Variants in LRRTM4 observed in about 807,000 individuals in gnomAD.
The protein encoded by LRRTM4 is leucine rich repeat transmembrane neuronal 4.
LRRTM4 carries 25 observed loss-of-function variants against 47.6 expected under a neutral mutation model. The observed-to-expected ratio is 0.53, with a 90% CI of 0.38 to 0.73. The LOEUF (loss-of-function observed/expected upper bound fraction) is 0.73. Ranked by LOEUF, LRRTM4 falls within the 30% of genes least tolerant of loss-of-function variation. The pLI, the probability that LRRTM4 is intolerant of heterozygous loss-of-function variation, is 0.00. For missense variants in LRRTM4, 638 were observed against 713.4 expected (o/e 0.89, Z 1.20); for synonymous variants, 311 against 269.5 (o/e 1.15, Z -1.51).
intron 3 of LRRTM4, among the ~76,000 whole-genome samples, chr2:77,276,438 AAAAAG>A (rs1378047482): frequency 6.6e-6 from 1 of 150,782 alleles, no homozygotes; most frequent in Non-Finnish European, 1.5e-5. Context: ...GAAAGGAAGA[AAAAAG>A]AAAGGAAAGA....
At chr2:77,021,252 C>A (rs1482934518) in intron 3 of LRRTM4, among the ~76,000 whole-genome samples, 1 of 151,972 alleles carries the variant, frequency 6.6e-6, no homozygotes. Flanking sequence ...AGACCACGAA[C>A]TTGAAGACGA....
intron 3 of LRRTM4, among the ~76,000 whole-genome samples, chr2:76,810,977 A>T (rs537711195): frequency 6.6e-6 from 1 of 152,342 alleles, no homozygotes; most frequent in Non-Finnish European, 1.5e-5. Flanking sequence ...TTAAAAAAAA[A>T]GTTAATAACT....
chr2:76,964,533 AG>A (rs1375698278), intron 3 of LRRTM4, among the ~76,000 whole-genome samples: 1 of 150,950 alleles, frequency 6.6e-6, no homozygotes, highest in Non-Finnish European at 1.5e-5. Context: ...ATAATTCTAC[AG>A]GGGTCTGTAC....
At chr2:76,783,671 G>A (rs187683738) in intron 3 of LRRTM4, among the ~76,000 whole-genome samples, 61 of 152,206 alleles carry the variant, frequency 4.0e-4, no homozygotes, top group Admixed American at 3.9e-3. Context: ...AACTAATTCC[G>A]GGTAAAACTC....
intron 3 of LRRTM4, among the ~76,000 whole-genome samples, chr2:77,375,344 C>T (rs942334229): frequency 1.4e-5 from 2 of 142,440 alleles, no homozygotes; most frequent in African/African-American, 5.9e-5. Flanking sequence ...ACATATGCAC[C>T]ATACCCGTGT....
chr2:76,822,175 C>T (rs1671073333), intron 3 of LRRTM4, among the ~76,000 whole-genome samples: 1 of 151,292 alleles, frequency 6.6e-6, no homozygotes, highest in Non-Finnish European at 1.5e-5. Context: ...CAGCACGTGC[C>T]TTGTGCTCTC....
At chr2:76,836,985 T>C (rs571422790) in intron 3 of LRRTM4, among the ~76,000 whole-genome samples, 1 of 152,248 alleles carries the variant, frequency 6.6e-6, no homozygotes, top group Admixed American at 6.6e-5. Flanking sequence ...ATGTTGTAAG[T>C]TACTCAAATA....
At chr2:77,214,763 G>C (rs185604698) in intron 3 of LRRTM4, among the ~76,000 whole-genome samples, 1 of 150,194 alleles carries the variant, frequency 6.7e-6, no homozygotes, top group Non-Finnish European at 1.5e-5. Flanking sequence ...CTGTTAACTC[G>C]TCTCTGAAAA....
At position 77,010,373 on chromosome 2, in the gene LRRTM4, A is replaced by T. The variant is rs189809894; in HGVS notation, c.1552-261457T>A. 3.5e-3 allele frequency among the ~76,000 whole-genome samples: 529 copies of T among 152,010 alleles called. 4 individuals are homozygous for T. The highest frequency in any genetic ancestry group is 0.012 in the African/African-American group (497 of 41,478). On this transcript the variant is annotated intron_variant, in intron 3 of 3. Coordinates refer to ENST00000409884, the MANE Select transcript of LRRTM4 (RefSeq NM_001134745.3). ...TTTTTTTACATTCCATATGTAAATG[A>T]GATTATGCAATATTTGTTTTTCTGT...
chr2:77,324,098 A>T (rs1398479011), intron 3 of LRRTM4, among the ~76,000 whole-genome samples: 1 of 152,114 alleles, frequency 6.6e-6, no homozygotes. Flanking sequence ...ACCTAAATAA[A>T]CATAGTAACA....
At chr2:76,749,464 A>G (rs1672773380) in intron 3 of LRRTM4, among the ~76,000 whole-genome samples, 1 of 152,120 alleles carries the variant, frequency 6.6e-6, no homozygotes, top group African/African-American at 2.4e-5. Context: ...ATCATGTGTA[A>G]CTTTTATTTA....
chr2:77,441,985 A>G (rs762692850), intron 3 of LRRTM4, among the ~76,000 whole-genome samples: 1 of 152,180 alleles, frequency 6.6e-6, no homozygotes, highest in Non-Finnish European at 1.5e-5. Context: ...TTGGAAAAAC[A>G]AAACAAGGCA....
intron 3 of LRRTM4, among the ~76,000 whole-genome samples, chr2:77,285,340 T>TTATATATATA (rs10527679): frequency 0.057 from 4,690 of 82,532 alleles, 406 homozygotes; most frequent in Admixed American, 0.15. Flanking sequence ...AGCATTAAAT[T>TTATATATATA]TATATATATA....
At chr2:77,148,347 G>T (rs1385651489) in intron 3 of LRRTM4, among the ~76,000 whole-genome samples, 1 of 152,148 alleles carries the variant, frequency 6.6e-6, no homozygotes, top group African/African-American at 2.4e-5. Context: ...ACTGGTATGA[G>T]AACTCAATTG....
intron 3 of LRRTM4, among the ~76,000 whole-genome samples, chr2:76,836,509 T>C (rs938147270): frequency 2.0e-5 from 3 of 151,958 alleles, no homozygotes; most frequent in African/African-American, 4.8e-5. Context: ...TCTCTTGTCC[T>C]TCCCCCACCC....
chr2:77,096,477 A>T (rs1670815120), intron 3 of LRRTM4, among the ~76,000 whole-genome samples: 1 of 151,580 alleles, frequency 6.6e-6, no homozygotes, highest in Non-Finnish European at 1.5e-5. Context: ...TAATAAATTA[A>T]AATATGAATA....
intron 3 of LRRTM4, among the ~76,000 whole-genome samples, chr2:76,803,115 A>G (rs1194008459): frequency 1.3e-5 from 2 of 152,176 alleles, no homozygotes; most frequent in African/African-American, 2.4e-5. Flanking sequence ...AAATGGTATT[A>G]TATCAATCTA....
intron 3 of LRRTM4, among the ~76,000 whole-genome samples, chr2:77,477,919 GA>G (rs1220590349): frequency 1.4e-5 from 1 of 70,576 alleles, no homozygotes; most frequent in Non-Finnish European, 3.2e-5. Flanking sequence ...AAGAAAGAAA[GA>G]AAGAAAGAAA....
intron 3 of LRRTM4, among the ~76,000 whole-genome samples, chr2:76,803,697 A>G (rs1312559788): frequency 2.0e-5 from 3 of 152,180 alleles, no homozygotes; most frequent in African/African-American, 4.8e-5. Context: ...TACAAATGCT[A>G]TCCTCATAAG....
Sources: allele counts gnomAD v4.1 joint callset (sites outside exome capture counted in the v4.1 genomes callset), GRCh38; gene constraint gnomAD v4.1.1; transcripts MANE v1.5; gene names NCBI Gene and HGNC (gene_info 2026-07-23, HGNC 2026-07-21).